Variants in JPH1 observed in about 807,000 individuals in gnomAD.
JPH1 encodes junctophilin-1.
A neutral mutation model predicts 53.6 loss-of-function variants in JPH1; 12 were observed. That is an observed-to-expected ratio of 0.22 (90% CI 0.14 to 0.36). JPH1 has a LOEUF of 0.36. Among genes scored for constraint, JPH1 ranks in the 10% least tolerant of loss-of-function variants. The pLI is 1.00. For missense variants in JPH1, 808 were observed against 905.5 expected (o/e 0.89, Z 1.38); for synonymous variants, 375 against 363.8 (o/e 1.03, Z -0.35).
At chr8:74,312,700 G>A (rs1341462437) in intron 2 of JPH1, among the ~76,000 whole-genome samples, 1 of 152,148 alleles carries the variant, frequency 6.6e-6, no homozygotes, top group East Asian at 1.9e-4. Flanking sequence ...AGTCCCTGGC[G>A]ACCACCATTT....
At chr8:74,305,820 T>G (rs1431707911) in intron 2 of JPH1, among the ~76,000 whole-genome samples, 1 of 152,190 alleles carries the variant, frequency 6.6e-6, no homozygotes, top group Non-Finnish European at 1.5e-5. Flanking sequence ...TAAAACCATG[T>G]TTTTTAATGG....
rs774670136 is a variant in JPH1 at position 74,315,386 on chromosome 8, C to T, written c.614G>A (p.Gly205Asp). 4 of 1,612,464 alleles carry T rather than the reference C, an allele frequency of 2.5e-6. 1 individual carries two copies. In the South Asian group the frequency reaches 3.3e-5, roughly 13 times the overall value. Residue 205 changes from glycine (G) to aspartate (D), a missense_variant, in exon 2 of 6, where the codon GGC becomes GAC. Gly to Asp is a moderately conservative substitution (Grantham distance 94, BLOSUM62 -1). Coordinates refer to ENST00000342232, the MANE Select transcript of JPH1 (RefSeq NM_020647.4). This position sits in a 1 kb window ranked among gnomAD's most constrained non-coding sequence, Gnocchi z 6.3. ...LNFHADAELA[G>D]KKKGGLFRRG... ...CCGGAAGAGGCCGCCCTTCTTCTTG[C>T]CCGCTAGCTCAGCGTCTGCGTGGAA...
chr8:74,273,522 TA>T (rs2131409677), intron 2 of JPH1, among the ~76,000 whole-genome samples: 2 of 152,330 alleles, frequency 1.3e-5, no homozygotes, highest in African/African-American at 4.8e-5. Context: ...ATACAACTCT[TA>T]TACTAGCACT....
rs1373800513 is a variant in JPH1 at position 74,235,565 on chromosome 8, T to G, written c.*1486A>C. ...AAATATTTAGGAGTAGCTCCCCCTC[T>G]GCAATGTAATGTTTTATAAAGATTT... On this transcript the variant is annotated 3_prime_UTR_variant, in exon 6 of 6. Transcript: ENST00000342232. 6.6e-6 allele frequency: 1 copy of G among 152,592 alleles called. No homozygotes were observed. The highest frequency in any genetic ancestry group is 1.5e-5 in the Non-Finnish European group (1 of 68,024). The allele number at this position is 152,592 out of a possible 1,614,324, so 9.5% of individuals were successfully genotyped here.
At chr8:74,277,481 A>G (rs867400762) in intron 2 of JPH1, among the ~76,000 whole-genome samples, 51 of 152,246 alleles carry the variant, frequency 3.3e-4, no homozygotes, top group African/African-American at 1.1e-3. Context: ...TGGCAAACTC[A>G]AAGTCCCTCT....
In JPH1 at chr8:74,314,846, C is replaced by T. The variant is rs2131465280; in HGVS notation, c.1139+15G>A. ...TGACCAACCCAGCAAAACCAACCACCCTGCATTTACTTACCTTGAATTTGC... is the reference window on the plus strand; with the variant it reads ...TGACCAACCCAGCAAAACCAACCACTCTGCATTTACTTACCTTGAATTTGC... On this transcript the variant is annotated intron_variant, in intron 2 of 5. Coordinates refer to ENST00000342232, the MANE Select transcript of JPH1 (RefSeq NM_020647.4). 4 of 1,613,596 alleles carry T rather than the reference C, an allele frequency of 2.5e-6. No individual in the cohort carries two copies. Among genetic ancestry groups the T allele is most frequent in the Non-Finnish European group, 3.4e-6 (4 of 1,179,940 alleles).
chr8:74,282,631 A>G (rs1240517614), intron 2 of JPH1, among the ~76,000 whole-genome samples: 1 of 152,210 alleles, frequency 6.6e-6, no homozygotes, highest in Non-Finnish European at 1.5e-5. Context: ...AGTAGAGAGT[A>G]AAATAGTGGT....
In JPH1 at chr8:74,246,128, C is replaced by T. The variant is rs567824580; in HGVS notation, c.1259-953G>A. Among the ~76,000 whole-genome samples, 8 of 152,212 alleles carry T rather than the reference C, an allele frequency of 5.3e-5. No individual in the cohort carries two copies. The East Asian group carries it at 1.2e-3, about 22-fold the overall frequency. ...TGTGCGTACTTTGGCTACCACTCCA[C>T]CCATCTGCCACTTTTCGCCTCATAA... On this transcript the variant is annotated intron_variant, in intron 3 of 5. Coordinates refer to ENST00000342232, the MANE Select transcript of JPH1 (RefSeq NM_020647.4).
chr8:74,320,786 C>A lies in JPH1; in HGVS notation c.379+123G>T, dbSNP rs1316179444. ...GCGCGGGCGCGGGGGTGGGAGGCGC[C>A]CCCAGGTGTTTTGGCGGGTTTCCGG... is the stretch of plus-strand genomic sequence containing the variant. On this transcript the variant is annotated intron_variant, in intron 1 of 5. Transcript: ENST00000342232. This position sits in a 1 kb window ranked among gnomAD's most constrained non-coding sequence, Gnocchi z 4.4. 5 of 1,208,572 alleles carry A rather than the reference C, an allele frequency of 4.1e-6. No individual in the cohort carries two copies. Among genetic ancestry groups the A allele is most frequent in the Non-Finnish European group, 3.3e-6 (3 of 919,482 alleles). The allele number at this position is 1,208,572 out of a possible 1,614,324, so 74.9% of individuals were successfully genotyped here.
At chr8:74,318,303 C>T (rs1376717477) in intron 1 of JPH1, among the ~76,000 whole-genome samples, 9 of 152,162 alleles carry the variant, frequency 5.9e-5, no homozygotes, top group Non-Finnish European at 1.3e-4. Context: ...TTTAACTACA[C>T]AATCTTGTAG....
intron 2 of JPH1, among the ~76,000 whole-genome samples, chr8:74,282,212 C>T (rs1291933893): frequency 1.3e-5 from 2 of 152,174 alleles, no homozygotes; most frequent in African/African-American, 4.8e-5. Context: ...TCCCACACTC[C>T]ACTACCTTAA....
At chr8:74,280,625 C>A (rs563999596) in intron 2 of JPH1, among the ~76,000 whole-genome samples, 1 of 151,982 alleles carries the variant, frequency 6.6e-6, no homozygotes, top group Non-Finnish European at 1.5e-5. Context: ...GGAAAGACGG[C>A]GACACATTGT....
At chr8:74,248,031 C>A (rs1400248323) in intron 3 of JPH1, among the ~76,000 whole-genome samples, 1 of 152,108 alleles carries the variant, frequency 6.6e-6, no homozygotes, top group African/African-American at 2.4e-5. Context: ...GAAAGTATTT[C>A]TTATGATATT....
At chr8:74,250,048 C>A (rs1209107460) in intron 3 of JPH1, among the ~76,000 whole-genome samples, 1 of 152,130 alleles carries the variant, frequency 6.6e-6, no homozygotes, top group African/African-American at 2.4e-5. Flanking sequence ...CATGCTCAGC[C>A]CCTGCCTCCA....
chr8:74,288,858 A>G (rs1351197689), intron 2 of JPH1, among the ~76,000 whole-genome samples: 2 of 152,268 alleles, frequency 1.3e-5, no homozygotes, highest in Non-Finnish European at 2.9e-5. Flanking sequence ...AACAGTCTTC[A>G]GTTATTTGAA....
chr8:74,254,523 A>AT (rs1206261608), intron 3 of JPH1, among the ~76,000 whole-genome samples: 3 of 152,090 alleles, frequency 2.0e-5, no homozygotes, highest in Non-Finnish European at 2.9e-5. Flanking sequence ...TATTCAACAT[A>AT]GTGTTGGAAG....
At chr8:74,237,849 G>C (rs887822478) in intron 4 of JPH1, among the ~76,000 whole-genome samples, 11 of 152,158 alleles carry the variant, frequency 7.2e-5, no homozygotes, top group African/African-American at 2.2e-4. Flanking sequence ...TAAGTGAGAA[G>C]TTGGATACTT....
intron 3 of JPH1, among the ~76,000 whole-genome samples, chr8:74,245,420 A>T (rs1256503215): frequency 2.0e-5 from 3 of 152,182 alleles, no homozygotes; most frequent in Admixed American, 6.5e-5. Flanking sequence ...CAGAATACAG[A>T]GGCAAAATTC....
intron 2 of JPH1, among the ~76,000 whole-genome samples, chr8:74,309,541 G>C (rs1286000045): frequency 6.6e-6 from 1 of 151,920 alleles, no homozygotes; most frequent in Non-Finnish European, 1.5e-5. Flanking sequence ...GCTTTCTAAG[G>C]GTCACTTCTT....
Sources: allele counts gnomAD v4.1 joint callset (sites outside exome capture counted in the v4.1 genomes callset), GRCh38; gene constraint gnomAD v4.1.1; non-coding constraint Gnocchi (gnomAD v3.1); transcripts MANE v1.5; gene names NCBI Gene and HGNC (gene_info 2026-07-23, HGNC 2026-07-21).